Variants in OTUD7B observed in about 807,000 individuals in gnomAD.
OTUD7B encodes the protein OTU domain-containing protein 7B.
A neutral mutation model predicts 82.2 loss-of-function variants in OTUD7B; 34 were observed. The observed-to-expected ratio is 0.41, with a 90% CI of 0.31 to 0.55. The LOEUF is 0.55. Among genes scored for constraint, OTUD7B ranks in the 20% least tolerant of loss-of-function variants. The pLI is 0.20. For missense variants in OTUD7B, 944 were observed against 1,062.1 expected, an observed-to-expected ratio of 0.89 and a Z score of 1.55; for synonymous variants, 398 against 402.7, an observed-to-expected ratio of 0.99 and a Z score of 0.14.
At chr1:150,008,372 T>C (rs1652803358) in intron 1 of OTUD7B, among the ~76,000 whole-genome samples, 1 of 152,160 alleles carries the variant, frequency 6.6e-6, no homozygotes, top group South Asian at 2.1e-4. Flanking sequence ...TAGATTTTCG[T>C]CTCCAAATTA....
intron 2 of OTUD7B, among the ~76,000 whole-genome samples, chr1:149,973,943 C>T (rs2101846954): frequency 6.6e-6 from 1 of 151,246 alleles, no homozygotes; most frequent in African/African-American, 2.4e-5. Context: ...CTGCAATCTC[C>T]ACCTCCTGGG....
chr1:150,019,694 A>AAT, the OTUD7B span, among the ~76,000 whole-genome samples: 1 of 152,130 alleles, frequency 6.6e-6, no homozygotes, highest in East Asian at 1.9e-4. Flanking sequence ...ATCTACTGCA[A>AAT]ATAATAAAAA....
chr1:150,059,053 C>CTTTTTTTTTTTT, the OTUD7B span, among the ~76,000 whole-genome samples: 2 of 125,472 alleles, frequency 1.6e-5, no homozygotes, highest in African/African-American at 3.2e-5. Context: ...ACTTTCTTTT[C>CTTTTTTTTTTTT]TTTTTTTTTT....
Position 149,982,105 on chromosome 1 carries a change from C to T in OTUD7B, c.-66-4529G>A, listed in dbSNP as rs186339560. Among the ~76,000 whole-genome samples, 1,252 of 151,944 alleles carry T rather than the reference C, an allele frequency of 8.2e-3. 5 individuals carry two copies. Among genetic ancestry groups the T allele is most frequent in the Admixed American group, 0.016 (243 of 15,248 alleles). ...CGGAGCTTGCAGTGAGCCGAGATCGCGCCACTGCACTCCAGCCTGGGCGAC... is the reference window on the plus strand; with the variant it reads ...CGGAGCTTGCAGTGAGCCGAGATCGTGCCACTGCACTCCAGCCTGGGCGAC... On this transcript the variant is annotated intron_variant, in intron 1 of 11. Coordinates refer to ENST00000581312, the MANE Select transcript of OTUD7B (RefSeq NM_020205.4).
intron 7 of OTUD7B, among the ~76,000 whole-genome samples, 199 bp downstream of exon 7, chr1:149,959,485 C>T (rs1229785153): frequency 5.3e-5 from 8 of 152,152 alleles, no homozygotes; most frequent in African/African-American, 1.9e-4. Flanking sequence ...TCTAGATGGG[C>T]TACTTTATAT....
chr1:150,047,274 C>T, the OTUD7B span, among the ~76,000 whole-genome samples: 1 of 152,184 alleles, frequency 6.6e-6, no homozygotes, highest in Non-Finnish European at 1.5e-5. Flanking sequence ...ATTCCTTTAA[C>T]ATCCTTCAGG....
the OTUD7B span, among the ~76,000 whole-genome samples, chr1:150,048,962 G>A: frequency 6.6e-6 from 1 of 151,938 alleles, no homozygotes; most frequent in Non-Finnish European, 1.5e-5. Flanking sequence ...CCTCCTGAGT[G>A]GCTAGGATTA....
chr1:149,971,319 T>C, intron 2 of OTUD7B, 68 bp from the exon 3 acceptor site: 3 of 1,109,450 alleles, frequency 2.7e-6, no homozygotes, highest in Non-Finnish European at 3.9e-6. Context: ...TCACACTAAC[T>C]ATCCTATCAA....
At chr1:150,025,432 AACACACACAC>A in the OTUD7B span, among the ~76,000 whole-genome samples, 5,061 of 146,986 alleles carry the variant, frequency 0.034, 94 homozygotes, top group African/African-American at 0.045. Context: ...AAGCAAACAA[AACACACACAC>A]ACACACACAC....
the OTUD7B span, among the ~76,000 whole-genome samples, chr1:150,051,776 T>G: frequency 3.3e-5 from 5 of 152,322 alleles, no homozygotes; most frequent in Admixed American, 3.3e-4. Flanking sequence ...GAGAATAATC[T>G]TAAATAATAG....
intron 10 of OTUD7B, 99 bp downstream of exon 10, chr1:149,948,870 A>G: frequency 1.3e-6 from 1 of 761,262 alleles, no homozygotes; most frequent in Non-Finnish European, 2.3e-6. Context: ...TTAGCTTGTG[A>G]CTGTCTTGCC....
At position 149,949,053 on chromosome 1, in the gene OTUD7B, T is replaced by C; in HGVS notation, c.1154A>G (p.Lys385Arg). Residue 385 changes from lysine (K) to arginine (R), a missense_variant, in exon 10 of 12, where the codon AAG (lysine) becomes AGG (arginine). This residue lies in a region of OTUD7B where 530 missense variants were observed against 625.6 expected (regional missense o/e 0.85). Transcript: ENST00000581312. ...AVIPLTDSEY[K>R]LLPLHFAVDP... ...CACAGCAAAGTGCAAGGGCAGCAGC[T>C]TATACTCTGAATCTGTAAGTGGGAT... 2 of 1,613,342 alleles carry C rather than the reference T, an allele frequency of 1.2e-6. No individual in the cohort carries two copies. The highest frequency in any genetic ancestry group is 2.2e-5 in the South Asian group (2 of 91,076).
upstream of OTUD7B, among the ~76,000 whole-genome samples, chr1:150,014,042 ATG>A (rs199910103): frequency 0.02 from 2,318 of 115,538 alleles, 98 homozygotes; most frequent in African/African-American, 0.07. Flanking sequence ...ATACGTATAT[ATG>A]TGTGTGTATA....
intron 1 of OTUD7B, among the ~76,000 whole-genome samples, chr1:149,981,833 A>C (rs971327311): frequency 4.6e-5 from 7 of 152,210 alleles, no homozygotes; most frequent in Non-Finnish European, 8.8e-5. Flanking sequence ...TAACAAGTTA[A>C]TATTAGTTAA....
the OTUD7B span, among the ~76,000 whole-genome samples, chr1:150,046,006 G>A: frequency 6.6e-6 from 1 of 152,108 alleles, no homozygotes; most frequent in East Asian, 1.9e-4. Flanking sequence ...AGAGTTTATT[G>A]AACCATTAAA....
intron 9 of OTUD7B, among the ~76,000 whole-genome samples, 167 bp downstream of exon 9, chr1:149,949,462 C>CGT (rs1648018441): frequency 6.7e-6 from 1 of 148,328 alleles, no homozygotes; most frequent in Non-Finnish European, 1.5e-5. Context: ...TCTCCCAACC[C>CGT]TTTTTTTTTT....
chr1:149,988,699 T>G (rs1378278369), intron 1 of OTUD7B, among the ~76,000 whole-genome samples: 2 of 152,212 alleles, frequency 1.3e-5, no homozygotes, highest in Admixed American at 6.5e-5. Flanking sequence ...AATGTTTATT[T>G]TTTTTAGATC....
At chr1:149,969,399 T>A (rs1649749076) in intron 3 of OTUD7B, among the ~76,000 whole-genome samples, 1 of 152,176 alleles carries the variant, frequency 6.6e-6, no homozygotes, top group Non-Finnish European at 1.5e-5. Context: ...CAAGGAAGTC[T>A]TCTTATCATT....
Position 149,956,832 on chromosome 1 carries a change from C to T in OTUD7B, c.845+2852G>A, listed in dbSNP as rs184521665. On this transcript the variant is annotated intron_variant, in intron 7 of 11. Coordinates refer to ENST00000581312, the MANE Select transcript of OTUD7B (RefSeq NM_020205.4). Reference sequence around the variant, plus strand: ...TTCTTCCACTTGATTGAATCAGCTACTGAAGCTTGTGCACGCGTCACATAG... The same window carrying T: ...TTCTTCCACTTGATTGAATCAGCTATTGAAGCTTGTGCACGCGTCACATAG... 2.1e-3 allele frequency among the ~76,000 whole-genome samples: 320 copies of T among 152,342 alleles called. 1 individual carries two copies. The highest frequency in any genetic ancestry group is 7.5e-3 in the African/African-American group (312 of 41,594).
Sources: allele counts gnomAD v4.1 joint callset (sites outside exome capture counted in the v4.1 genomes callset), GRCh38; gene constraint gnomAD v4.1.1; regional missense constraint gnomAD v4.1.1; transcripts MANE v1.5; gene names NCBI Gene and HGNC (gene_info 2026-07-23, HGNC 2026-07-21).